Variants in ZNF510 observed in about 807,000 individuals in gnomAD.
ZNF510 encodes the protein zinc finger protein 510.
ZNF510 carries 15 observed loss-of-function variants against 18.1 expected under a neutral mutation model. The ratio of observed to expected loss-of-function variants is 0.83; its 90% confidence interval spans 0.55 to 1.28. The LOEUF is 1.28. Ranked by LOEUF, ZNF510 falls within the 50% of genes most tolerant of loss-of-function variation. ZNF510 has a pLI of 0.00. For missense variants in ZNF510, 724 were observed against 791.8 expected (o/e 0.91, Z 1.03); for synonymous variants, 261 against 266.4 (o/e 0.98, Z 0.20).
At chr9:96,775,315 C>T (rs1272781599) in intron 2 of ZNF510, among the ~76,000 whole-genome samples, 1 of 152,154 alleles carries the variant, frequency 6.6e-6, no homozygotes, top group Non-Finnish European at 1.5e-5. Context: ...CCGCCTTGGC[C>T]TCCCAAAATG....
In ZNF510 at chr9:96,763,526, T is replaced by G; in HGVS notation, c.236A>C (p.Tyr79Ser). The stretch of plus-strand genomic sequence containing the variant: ...CTTACCCACTGAGACGAGGTTGCTG[T>G]AGTTCTCCAGCATCACATCTCTGTA... ...NLYRDVMLEN[Y>S]SNLVSVGYCC... The change falls in exon 4 of 6, where the codon TAC becomes TCC. Residue 79 changes from tyrosine (Y) to serine (S), a missense_variant. By Grantham distance (144) the Tyr-to-Ser change is moderately radical. Transcript: ENST00000223428. 1 of 1,609,096 alleles carries G rather than the reference T, an allele frequency of 6.2e-7. No homozygotes were observed. Among genetic ancestry groups the G allele is most frequent in the South Asian group, 1.1e-5 (1 of 89,920 alleles).
rs1266988644 is a variant in ZNF510 at position 96,755,554 on chromosome 9, T to A, written c.*3224A>T. ...ATGTAACTGGCCTATGATATTCTAT[T>A]TCTTAAGTCCTAAGATGTATTCTTT... On this transcript the variant is annotated 3_prime_UTR_variant, in exon 6 of 6. Coordinates refer to ENST00000223428, the MANE Select transcript of ZNF510 (RefSeq NM_014930.3). 6.6e-6 allele frequency among the ~76,000 whole-genome samples: 1 copy of A among 152,188 alleles called. No homozygotes were observed. The highest frequency in any genetic ancestry group is 1.5e-5 in the Non-Finnish European group (1 of 68,036).
chr9:96,776,009 C>T lies in ZNF510; in HGVS notation c.61G>A (p.Ala21Thr), dbSNP rs1428445481. ...CTCAACCCCAGCTTACCACCTTCTG[C>T]AAGTTGGCCCACAGTGTTCAGTGTC... is the stretch of plus-strand genomic sequence containing the variant. ...CVTLNTVGQL[A>T]EGGYPLRFST... The change falls in exon 2 of 6, where the codon GCA becomes ACA. Residue 21 changes from alanine (A) to threonine (T), a missense_variant. Physicochemically the swap from Ala to Thr is moderately conservative, Grantham distance 58 (BLOSUM62 0). Coordinates refer to ENST00000223428, the MANE Select transcript of ZNF510 (RefSeq NM_014930.3). 5 of 1,608,584 alleles carry T rather than the reference C, an allele frequency of 3.1e-6. No individual in the cohort carries two copies. The highest frequency in any genetic ancestry group is 4.2e-6 in the Non-Finnish European group (5 of 1,177,530).
At chr9:96,760,963 G>C (rs766016197) in intron 5 of ZNF510, among the ~76,000 whole-genome samples, 3 of 151,944 alleles carry the variant, frequency 2.0e-5, no homozygotes, top group Non-Finnish European at 2.9e-5. Flanking sequence ...ATAATGGTTA[G>C]AATAGTCTAT....
chr9:96,775,608 G>A (rs1170440106), intron 2 of ZNF510, among the ~76,000 whole-genome samples: 1 of 152,176 alleles, frequency 6.6e-6, no homozygotes, highest in Non-Finnish European at 1.5e-5. Flanking sequence ...CTGTGACAGA[G>A]TGAACAGCAC....
At chr9:96,766,591 C>A (rs137893879) in intron 3 of ZNF510, among the ~76,000 whole-genome samples, 9 of 152,006 alleles carry the variant, frequency 5.9e-5, no homozygotes, top group Non-Finnish European at 1.3e-4. Context: ...ACCTGACTGA[C>A]ATATATAGGA....
rs1403397937 is a variant in ZNF510 at position 96,759,046 on chromosome 9, G to C, written c.1784C>G (p.Thr595Ser). The C allele has an allele frequency of 1.2e-6, 2 of 1,613,868 alleles. No homozygotes were observed. Among genetic ancestry groups the C allele is most frequent in the Admixed American group, 1.7e-5 (1 of 59,974 alleles). Residue 595 changes from threonine (T) to serine (S), a missense_variant, in exon 6 of 6, where the codon ACT (threonine) becomes AGT (serine). Transcript: ENST00000223428. ...STLRVHQRIHTGEKPFKCNEC... is the reference protein window; with the variant it reads ...STLRVHQRIHSGEKPFKCNEC... ...ATTACATTTAAATGGTTTCTCCCCA[G>C]TGTGAATTCTTTGATGCACTCTGAG...
At chr9:96,765,097 A>G (rs1216396720) in intron 3 of ZNF510, among the ~76,000 whole-genome samples, 2 of 151,234 alleles carry the variant, frequency 1.3e-5, no homozygotes, top group Non-Finnish European at 2.9e-5. Context: ...TGGGTGACAG[A>G]GTGAGATTCT....
chr9:96,766,884 A>G (rs907501408), intron 3 of ZNF510, among the ~76,000 whole-genome samples: 4 of 152,328 alleles, frequency 2.6e-5, no homozygotes, highest in African/African-American at 9.6e-5. Context: ...AGCAGATGCT[A>G]CTCAACTCCA....
chr9:96,759,628 A>C lies in ZNF510; in HGVS notation c.1202T>G (p.Met401Arg). ...ACATTCATTACATTTATAGGGTTTC[A>C]TCATTGAGTGACTTCTTCGGCGAAC... ...HRVRRRSHSM[M>R]KPYKCNECGK... The change falls in exon 6 of 6, where the codon ATG becomes AGG. Residue 401 changes from methionine to arginine, a missense_variant. Coordinates refer to ENST00000223428, the MANE Select transcript of ZNF510 (RefSeq NM_014930.3). 6.2e-7 allele frequency: 1 copy of C among 1,613,720 alleles called. No homozygotes were observed. Among genetic ancestry groups the C allele is most frequent in the Non-Finnish European group, 8.5e-7 (1 of 1,179,964 alleles).
Position 96,763,584 on chromosome 9 carries a change from ACTC to A in ZNF510, c.175_177del (p.Glu59del), listed in dbSNP as rs1849406576. ...TTCTGAACAGGGGCCATTTGCTGCCACTCCTCCTGGGTGAATTCTATAGTCACG... is the reference window on the plus strand; with the variant it reads ...TTCTGAACAGGGGCCATTTGCTGCCACTCCTGGGTGAATTCTATAGTCACG... On this transcript the variant is annotated inframe_deletion, in exon 4 of 6. Transcript: ENST00000223428. The A allele has an allele frequency of 6.2e-7, 1 of 1,613,028 alleles. No individual in the cohort carries two copies. Among genetic ancestry groups the A allele is most frequent in the Non-Finnish European group, 8.5e-7 (1 of 1,179,658 alleles).
intron 1 of ZNF510, chr9:96,777,571 G>A (rs946879253): frequency 1.1e-4 from 17 of 152,240 alleles, no homozygotes; most frequent in African/African-American, 3.4e-4. Context: ...GCTTTACAGG[G>A]GATGGCTTAC....
rs918105826 is a variant in ZNF510, at chr9:96,754,959, C to A, written c.*3819G>T. The stretch of plus-strand genomic sequence containing the variant: ...CAGAGTCTCTAGATGAGGCATCCAT[C>A]TGCTAGAGTAAAAGACCATGAGTTG... On this transcript the variant is annotated 3_prime_UTR_variant, in exon 6 of 6. Transcript: ENST00000223428. Among the ~76,000 whole-genome samples, 1 of 152,202 alleles carries A rather than the reference C, an allele frequency of 6.6e-6. No individual in the cohort carries two copies. The highest frequency in any genetic ancestry group is 2.4e-5 in the African/African-American group (1 of 41,462).
intron 3 of ZNF510, among the ~76,000 whole-genome samples, chr9:96,766,829 C>T (rs1477922740): frequency 6.6e-6 from 1 of 151,314 alleles, no homozygotes; most frequent in Non-Finnish European, 1.5e-5. Flanking sequence ...AGAGACGAGA[C>T]AGGCACCTGC....
chr9:96,760,376 C>G lies in ZNF510; in HGVS notation c.454G>C (p.Glu152Gln). 1 of 1,613,788 alleles carries G rather than the reference C, an allele frequency of 6.2e-7. No homozygotes were observed. Among genetic ancestry groups the G allele is most frequent in the Non-Finnish European group, 8.5e-7 (1 of 1,179,870 alleles). The change falls in exon 6 of 6, where the codon GAA becomes CAA. Residue 152 changes from glutamate (E) to glutamine (Q), a missense_variant. Glu to Gln is a conservative substitution (Grantham distance 29). Transcript: ENST00000223428. Reference sequence around the variant, plus strand: ...AATGGTTTCCCCAAAACTTTCTCTTCCTCTGTAGTCAATGTTTTATTATTG... The same window carrying G: ...AATGGTTTCCCCAAAACTTTCTCTTGCTCTGTAGTCAATGTTTTATTATTG... ...CINNKTLTTE[E>Q]EKVLGKPFTL...
chr9:96,770,264 G>A (rs1467537103), intron 3 of ZNF510, among the ~76,000 whole-genome samples: 2 of 152,046 alleles, frequency 1.3e-5, no homozygotes, highest in African/African-American at 2.4e-5. Flanking sequence ...CAACATGGAT[G>A]AACCTTGAAA....
At chr9:96,775,879 G>C in intron 2 of ZNF510, 121 bp downstream of exon 2, 1 of 1,298,348 alleles carries the variant, frequency 7.7e-7, no homozygotes. Context: ...GAGGATTAGA[G>C]ACAATTTCCT....
At position 96,766,060 on chromosome 9, in the gene ZNF510, A is replaced by G. The variant is rs1468954290; in HGVS notation, c.130-2428T>C. Reference sequence around the variant, plus strand: ...CTGACTGGCTGACAAAAATGTGACTAGAGGCTTAACCCCATATTTCTCCTC... The same window carrying G: ...CTGACTGGCTGACAAAAATGTGACTGGAGGCTTAACCCCATATTTCTCCTC... On this transcript the variant is annotated intron_variant, in intron 3 of 5. Transcript: ENST00000223428. 1.3e-5 allele frequency among the ~76,000 whole-genome samples: 2 copies of G among 152,186 alleles called. 1 individual carries two copies. The highest frequency in any genetic ancestry group is 4.8e-5 in the African/African-American group (2 of 41,452).
chr9:96,777,481 C>T lies in ZNF510; in HGVS notation c.-177+553G>A, dbSNP rs141425022. On this transcript the variant is annotated intron_variant, in intron 1 of 5. Transcript: ENST00000223428. ...GTTGTGAGAATTAAACGAAATACTA[C>T]ATGAAAAGAACAAAGTGTCTTCCAA... 2 of 152,312 alleles carry T rather than the reference C, an allele frequency of 1.3e-5. 1 individual carries two copies. Among genetic ancestry groups the T allele is most frequent in the Admixed American group, 1.3e-4 (2 of 15,294 alleles). The allele number at this position is 152,312 out of a possible 1,614,324, so 9.4% of individuals were successfully genotyped here. A position where few individuals can be genotyped will look rare whatever the true frequency, so the allele number is the denominator to read the frequency against.
Sources: gnomAD v4.1 joint callset for allele counts (sites outside exome capture counted in the v4.1 genomes callset) on GRCh38, gnomAD v4.1.1 for gene constraint, MANE v1.5 for transcripts, NCBI Gene and HGNC (gene_info 2026-07-23, HGNC 2026-07-21) for gene names.